The following BBS9 variants were observed in gnomAD, a reference collection of about 807,000 sequenced individuals.
The protein encoded by BBS9 is protein PTHB1.
Under a neutral mutation model 117.7 loss-of-function variants are expected in BBS9, and 89 were observed. That is an observed-to-expected ratio of 0.76 (90% confidence interval 0.64 to 0.90). The LOEUF is 0.90. Ranked by LOEUF, BBS9 falls within the 40% of genes least tolerant of loss-of-function variation. The pLI is 0.00. For missense variants in BBS9, 982 were observed against 1,042.2 expected (o/e 0.94, Z 0.80); for synonymous variants, 379 against 370.9 (o/e 1.02, Z -0.25).
intron 21 of BBS9, among the ~76,000 whole-genome samples, chr7:33,561,773 A>G (rs1053037278): frequency 1.3e-5 from 2 of 152,214 alleles, no homozygotes; most frequent in Non-Finnish European, 2.9e-5. Flanking sequence ...TGATCTTCCA[A>G]CAGGACAATG....
intron 19 of BBS9, among the ~76,000 whole-genome samples, chr7:33,458,825 A>G (rs943367831): frequency 2.0e-5 from 3 of 152,168 alleles, no homozygotes; most frequent in Non-Finnish European, 2.9e-5. Context: ...CTCTGGGCTC[A>G]GTGAGTTTTA....
chr7:33,421,354 C>T (rs1365440797), intron 19 of BBS9, among the ~76,000 whole-genome samples: 1 of 152,054 alleles, frequency 6.6e-6, no homozygotes, highest in Non-Finnish European at 1.5e-5. Flanking sequence ...AAAATACTCC[C>T]TGTCATACAT....
chr7:33,323,285 G>T (rs1032793753), intron 9 of BBS9, among the ~76,000 whole-genome samples: 1 of 151,970 alleles, frequency 6.6e-6, no homozygotes, highest in African/African-American at 2.4e-5. Flanking sequence ...ATGTTTCTTT[G>T]TTTATTTTGT....
chr7:33,479,519 G>A (rs183174348), intron 19 of BBS9, among the ~76,000 whole-genome samples: 24 of 152,270 alleles, frequency 1.6e-4, no homozygotes, highest in Admixed American at 1.6e-3. Flanking sequence ...TTGTTCAGGG[G>A]CACCTGCATT....
intron 5 of BBS9, among the ~76,000 whole-genome samples, chr7:33,212,251 A>G (rs1307363913): frequency 6.6e-6 from 1 of 152,020 alleles, no homozygotes; most frequent in Admixed American, 6.6e-5. Context: ...GACATGCTTC[A>G]TTTTATTATT....
intron 9 of BBS9, among the ~76,000 whole-genome samples, chr7:33,278,924 A>T (rs564226299): frequency 1.6e-4 from 25 of 152,338 alleles, no homozygotes; most frequent in Non-Finnish European, 1.9e-4. Flanking sequence ...TCGAGAGAGC[A>T]TTTAATTGAC....
At chr7:33,376,313 A>T (rs1048922402) in intron 17 of BBS9, among the ~76,000 whole-genome samples, 1 of 151,954 alleles carries the variant, frequency 6.6e-6, no homozygotes, top group Non-Finnish European at 1.5e-5. Context: ...TTGTTCCTGC[A>T]TTAGTTTGCT....
At chr7:33,405,681 G>C (rs936297081) in intron 19 of BBS9, among the ~76,000 whole-genome samples, 1 of 152,058 alleles carries the variant, frequency 6.6e-6, no homozygotes, top group African/African-American at 2.4e-5. Flanking sequence ...CTGTGGGATC[G>C]GTGGTGGTAT....
intron 9 of BBS9, among the ~76,000 whole-genome samples, chr7:33,278,730 G>A (rs1229475115): frequency 2.0e-5 from 3 of 152,130 alleles, no homozygotes; most frequent in Non-Finnish European, 4.4e-5. Context: ...CAGTGCCAAA[G>A]ATGACCCTCA....
chr7:33,477,726 G>A (rs947444781), intron 19 of BBS9, among the ~76,000 whole-genome samples: 1 of 152,164 alleles, frequency 6.6e-6, no homozygotes, highest in Non-Finnish European at 1.5e-5. Flanking sequence ...ATAGCATTAG[G>A]TTGTTCACCA....
intron 21 of BBS9, among the ~76,000 whole-genome samples, chr7:33,540,490 G>A (rs530834061): frequency 1.3e-5 from 2 of 152,148 alleles, no homozygotes; most frequent in African/African-American, 2.4e-5. Flanking sequence ...CTATCCCTGC[G>A]TGTTAGAATT....
At chr7:33,481,473 T>G (rs1347821717) in intron 19 of BBS9, among the ~76,000 whole-genome samples, 1 of 152,134 alleles carries the variant, frequency 6.6e-6, no homozygotes, top group Non-Finnish European at 1.5e-5. Flanking sequence ...ATTTCAGAAT[T>G]AAATTATGTA....
At chr7:33,172,394 T>TAA (rs1309865540) in intron 4 of BBS9, among the ~76,000 whole-genome samples, 1 of 129,860 alleles carries the variant, frequency 7.7e-6, no homozygotes. Flanking sequence ...AAAAAAATAA[T>TAA]AAAAAAAAAA....
intron 16 of BBS9, among the ~76,000 whole-genome samples, chr7:33,365,746 C>A (rs1210834758): frequency 6.6e-6 from 1 of 152,198 alleles, no homozygotes; most frequent in African/African-American, 2.4e-5. Flanking sequence ...GGCACAGGAA[C>A]CCCCACTGCT....
chr7:33,355,226 G>C (rs1157317390), intron 15 of BBS9, among the ~76,000 whole-genome samples: 1 of 151,842 alleles, frequency 6.6e-6, no homozygotes, highest in Non-Finnish European at 1.5e-5. Context: ...ATGAGTCTTT[G>C]GCTTCAGGTT....
Position 33,497,500 on chromosome 7 carries a change from A to G in BBS9, c.2116-7963A>G, listed in dbSNP as rs144448348. On this transcript the variant is annotated intron_variant, in intron 19 of 22. Transcript: ENST00000242067. ...TTTTGAGCTTGAGTTTTGATTTTCT[A>G]TGGCTTTTTGTGGTGAACTTCAGAA... Among the ~76,000 whole-genome samples, 350 of 152,170 alleles carry G rather than the reference A, an allele frequency of 2.3e-3. 6 individuals carry two copies. The highest frequency in any genetic ancestry group is 3.0e-3 in the Non-Finnish European group (203 of 67,992).
intron 5 of BBS9, among the ~76,000 whole-genome samples, chr7:33,200,954 G>C (rs766197564): frequency 3.4e-4 from 51 of 152,194 alleles, no homozygotes; most frequent in Non-Finnish European, 7.3e-5. Flanking sequence ...ACTGTAAGCT[G>C]TATGTCCCTG....
At chr7:33,498,359 C>T (rs1268401614) in intron 19 of BBS9, among the ~76,000 whole-genome samples, 1 of 152,156 alleles carries the variant, frequency 6.6e-6, no homozygotes, top group Non-Finnish European at 1.5e-5. Context: ...ATATCATTTA[C>T]ATATATTACA....
intron 5 of BBS9, among the ~76,000 whole-genome samples, chr7:33,256,503 C>T (rs1019794227): frequency 6.6e-6 from 1 of 151,600 alleles, no homozygotes; most frequent in African/African-American, 2.4e-5. Flanking sequence ...TTTTTTTAGC[C>T]TCTTTTGGTG....
Sources: gnomAD v4.1 joint callset for allele counts (sites outside exome capture counted in the v4.1 genomes callset) on GRCh38, gnomAD v4.1.1 for gene constraint, MANE v1.5 for transcripts, NCBI Gene and HGNC (gene_info 2026-07-23, HGNC 2026-07-21) for gene names.